The following SIGLEC12 variants were observed in gnomAD, a reference collection of about 807,000 sequenced individuals.
The protein encoded by SIGLEC12 is sialic acid binding Ig like lectin 12.
SIGLEC12 carries 43 observed loss-of-function variants against 54.1 expected under a neutral mutation model. The observed-to-expected ratio is 0.80, with a 90% confidence interval of 0.62 to 1.03. The LOEUF (loss-of-function observed/expected upper bound fraction) is 1.03. SIGLEC12 is among the 50% of genes least tolerant of loss of function. SIGLEC12 has a pLI of 0.00. For synonymous variants in SIGLEC12, 357 were observed against 307.6 expected, an observed-to-expected ratio of 1.16 and a Z score of -1.68; for missense variants, 802 against 735.2, an observed-to-expected ratio of 1.09 and a Z score of -1.05.
intron 1 of SIGLEC12, among the ~76,000 whole-genome samples, chr19:51,500,890 C>A (rs1022331740): frequency 2.0e-5 from 3 of 151,980 alleles, no homozygotes; most frequent in Non-Finnish European, 2.9e-5. Flanking sequence ...AGGCTCTCAA[C>A]TGGGGAGGAC....
At position 51,498,130 on chromosome 19, in the gene SIGLEC12, C is replaced by T. The variant is rs993781274; in HGVS notation, c.1293G>A (p.Leu431=). 12 of 1,614,128 alleles carry T rather than the reference C, an allele frequency of 7.4e-6. No individual in the cohort carries two copies. Among genetic ancestry groups the T allele is most frequent in the Non-Finnish European group, 1.0e-5 (12 of 1,180,054 alleles). The change falls in exon 5 of 8, where the codon CTG becomes CTA. Residue 431 remains leucine, a synonymous_variant. Transcript: ENST00000291707. The part of the protein sequence containing the change: ...SPSQSSNLGV[L]ELPRVHVKDE... The stretch of plus-strand genomic sequence containing the variant: ...CCTTCACATGCACTCGAGGCAGCTC[C>T]AGCACCCCAAGGTTCGAGGACTGTG...
Position 51,491,599 on chromosome 19 carries a change from G to T in SIGLEC12, c.*42C>A. ...ATCAGTCTCGGGCTTCTTTGCTGCA[G>T]GGGTCGTGAGCCCTCAAACAGGCCT... On this transcript the variant is annotated 3_prime_UTR_variant, in exon 8 of 8. Coordinates refer to ENST00000291707, the MANE Select transcript of SIGLEC12 (RefSeq NM_053003.4). 6.3e-7 allele frequency: 1 copy of T among 1,590,712 alleles called. No homozygotes were observed. Among genetic ancestry groups the T allele is most frequent in the East Asian group, 2.2e-5 (1 of 44,786 alleles).
In SIGLEC12 at chr19:51,500,334, T is replaced by C. The variant is rs145853613; in HGVS notation, c.428-34A>G. 5,341 of 1,614,064 alleles carry C rather than the reference T, an allele frequency of 3.3e-3. 24 individuals carry two copies. The highest frequency in any genetic ancestry group is 3.4e-3 in the Non-Finnish European group (4,001 of 1,179,982). ...AAACGAGGGTCAGCCCAGCCCCCAC[T>C]GTCCCTCTCTTCATTTGCCCATAGC... On this transcript the variant is annotated intron_variant, in intron 1 of 7. Transcript: ENST00000291707.
At chr19:51,500,456 G>A (rs946112644) in intron 1 of SIGLEC12, 156 bp from the exon 2 acceptor site, 4 of 1,393,206 alleles carry the variant, frequency 2.9e-6, no homozygotes, top group Admixed American at 2.1e-5. Flanking sequence ...GGACCCACAG[G>A]GGGCTGGAGA....
chr19:51,497,315 C>T, intron 6 of SIGLEC12, 34 bp downstream of exon 6: 2 of 1,588,476 alleles, frequency 1.3e-6, no homozygotes, highest in African/African-American at 2.7e-5. Flanking sequence ...CCTGCCCTCC[C>T]CCAAGGCTCT....
intron 1 of SIGLEC12, among the ~76,000 whole-genome samples, chr19:51,500,565 C>A (rs558612033): frequency 6.6e-6 from 1 of 152,212 alleles, no homozygotes; most frequent in South Asian, 2.1e-4. Flanking sequence ...CCCTAAAGCT[C>A]AGAGACCCTA....
chr19:51,496,425 A>G (rs28755954), intron 7 of SIGLEC12, among the ~76,000 whole-genome samples: 1,766 of 152,340 alleles, frequency 0.012, 27 homozygotes, highest in African/African-American at 0.038. Context: ...AGATCGCACC[A>G]TCGCACTTCA....
chr19:51,496,468 A>T (rs1011693902), intron 7 of SIGLEC12, among the ~76,000 whole-genome samples: 1 of 152,328 alleles, frequency 6.6e-6, no homozygotes, highest in South Asian at 2.1e-4. Context: ...TCTGTCTCAA[A>T]ATAAATAAAT....
At position 51,500,065 on chromosome 19, in the gene SIGLEC12, G is replaced by A. The variant is rs774857023; in HGVS notation, c.663C>T (p.Leu221=). 2 of 1,614,136 alleles carry A rather than the reference G, an allele frequency of 1.2e-6. No individual in the cohort carries two copies. The highest frequency in any genetic ancestry group is 3.3e-5 in the Admixed American group (2 of 60,020). The change falls in exon 2 of 8, where the codon CTC becomes CTT. Residue 221 remains leucine, a synonymous_variant. Transcript: ENST00000291707. ...KVQEDTHGRF[L]LLGDPQTNNC... ...TGTTGGTCTGTGGGTCCCCAAGGAG[G>A]AGGAATCGACCGTGGGTATCCTCTT...
chr19:51,499,863 C>T, intron 2 of SIGLEC12, 57 bp downstream of exon 2: 3 of 1,564,364 alleles, frequency 1.9e-6, no homozygotes, highest in Non-Finnish European at 2.6e-6. Flanking sequence ...CCACCTCAGC[C>T]CTACCCTGCG....
At chr19:51,492,139 C>A (rs1990121876) in intron 7 of SIGLEC12, among the ~76,000 whole-genome samples, 1 of 152,142 alleles carries the variant, frequency 6.6e-6, no homozygotes, top group Non-Finnish European at 1.5e-5. Context: ...GGGACCCAAT[C>A]CAGTCAGTTC....
Position 51,491,536 on chromosome 19 carries a change from C to T in SIGLEC12, c.*105G>A, listed in dbSNP as rs1990099281. 1.8e-6 allele frequency: 2 copies of T among 1,089,626 alleles called. No homozygotes were observed. The highest frequency in any genetic ancestry group is 1.9e-5 in the Admixed American group (1 of 51,606). The allele number at this position is 1,089,626 out of a possible 1,614,324, so 67.5% of individuals were successfully genotyped here. ...TGACAAGAGGAATAAGTTCTGATGT[C>T]CTGTTGCACAGCATGGAGGGCTGTT... On this transcript the variant is annotated 3_prime_UTR_variant, in exon 8 of 8. Coordinates refer to ENST00000291707, the MANE Select transcript of SIGLEC12 (RefSeq NM_053003.4).
rs752134429 is a variant in SIGLEC12, at chr19:51,498,247, C to T, written c.1176G>A (p.Leu392=). 3.7e-6 allele frequency: 6 copies of T among 1,613,290 alleles called. No homozygotes were observed. The highest frequency in any genetic ancestry group is 5.1e-6 in the Non-Finnish European group (6 of 1,179,560). Residue 392 remains leucine (L), a synonymous_variant, in exon 5 of 8, where the codon CTG becomes CTA. Coordinates refer to ENST00000291707, the MANE Select transcript of SIGLEC12 (RefSeq NM_053003.4). ...AGACAAGGTGCAGGGACTGGCCCTC[C>T]AGGACTGAAAGGGCCGAGCCATTCC... ...TLRNGSALSV[L]EGQSLHLVCA... is the part of the protein sequence containing the mutation.
Position 51,500,233 on chromosome 19 carries a change from C to G in SIGLEC12, c.495G>C (p.Leu165=). The G allele has an allele frequency of 6.2e-7, 1 of 1,614,196 alleles. No individual in the cohort carries two copies. The change falls in exon 2 of 8, where the codon CTG becomes CTC. Residue 165 remains leucine, a synonymous_variant. Coordinates refer to ENST00000291707, the MANE Select transcript of SIGLEC12 (RefSeq NM_053003.4). ...GGACACTGCAGGGCACAGAGACACA[C>G]AGACCCTCCTGCACAGTCACCGACT... ...VPESVTVQEG[L]CVSVPCSVLY...
At position 51,500,125 on chromosome 19, in the gene SIGLEC12, A is replaced by T. The variant is rs1329368807; in HGVS notation, c.603T>A (p.Ile201=). 1 of 1,614,094 alleles carries T rather than the reference A, an allele frequency of 6.2e-7. No individual in the cohort carries two copies. Among genetic ancestry groups the T allele is most frequent in the East Asian group, 2.2e-5 (1 of 44,860 alleles). ...CACTTGGGGTGTTTGTGGCCACTGG[A>T]ATATCCCATGGTATATCGGCCCCTT... The part of the protein sequence containing the change: ...FKEGADIPWD[I]PVATNTPSGK... Residue 201 remains isoleucine, a synonymous_variant, in exon 2 of 8, where the codon ATT becomes ATA. Coordinates refer to ENST00000291707, the MANE Select transcript of SIGLEC12 (RefSeq NM_053003.4).
intron 2 of SIGLEC12, 21 bp from the exon 3 acceptor site, chr19:51,499,737 G>A (rs757593203): frequency 6.2e-7 from 1 of 1,611,926 alleles, no homozygotes; most frequent in Non-Finnish European, 8.5e-7. Flanking sequence ...AAGGGAGACA[G>A]GCAAAATGAG....
Position 51,497,448 on chromosome 19 carries a change from G to A in SIGLEC12, c.1406-3C>T, listed in dbSNP as rs1352064469. Reference sequence around the variant, plus strand: ...TCCTGATATAGGCCTCATTTTGCCTGAGGATGGATTGGAGTTGTTTTGGGG... The same window carrying A: ...TCCTGATATAGGCCTCATTTTGCCTAAGGATGGATTGGAGTTGTTTTGGGG... On this transcript the variant is annotated splice_polypyrimidine_tract_variant and splice_region_variant and intron_variant, in intron 5 of 7. Transcript: ENST00000291707. 11 of 1,608,000 alleles carry A rather than the reference G, an allele frequency of 6.8e-6. No individual in the cohort carries two copies. The highest frequency in any genetic ancestry group is 5.0e-5 in the Admixed American group (3 of 59,802).
intron 4 of SIGLEC12, among the ~76,000 whole-genome samples, chr19:51,498,673 A>C (rs1214237584): frequency 6.6e-6 from 1 of 152,200 alleles, no homozygotes; most frequent in African/African-American, 2.4e-5. Context: ...AATGACACAC[A>C]GCCCTAGAGG....
rs749781933 is a variant in SIGLEC12 at position 51,497,412 on chromosome 19, C to G, written c.1439G>C (p.Gly480Ala). ...KMRPISGVTL[G>A]AFGGAGATAL... ...TGTGGCTCCAGCTCCCCCGAATGCC[C>G]CTAGCGTCACTCCTGATATAGGCCT... Residue 480 changes from glycine to alanine, a missense_variant, in exon 6 of 8, where the codon GGG (glycine) becomes GCG (alanine). Gly to Ala is a moderately conservative substitution (Grantham distance 60, BLOSUM62 0). Coordinates refer to ENST00000291707, the MANE Select transcript of SIGLEC12 (RefSeq NM_053003.4). The G allele has an allele frequency of 1.2e-5, 20 of 1,613,054 alleles. No homozygotes were observed. Among genetic ancestry groups the G allele is most frequent in the Non-Finnish European group, 1.7e-5 (20 of 1,179,328 alleles).
Sources: gnomAD v4.1 joint callset for allele counts (sites outside exome capture counted in the v4.1 genomes callset) on GRCh38, gnomAD v4.1.1 for gene constraint, MANE v1.5 for transcripts, NCBI Gene and HGNC (gene_info 2026-07-23, HGNC 2026-07-21) for gene names.